The following TEX48 variants were observed in gnomAD, a reference collection of about 807,000 sequenced individuals.
The protein encoded by TEX48 is testis-expressed protein 48.
In TEX48, 10 loss-of-function variants were observed where a neutral mutation model predicts 13.2. That is an observed-to-expected ratio of 0.75 (90% CI 0.47 to 1.28). The LOEUF is 1.28. TEX48 is among the 50% of genes most tolerant of loss of function. The probability of loss-of-function intolerance (pLI) is 0.00; values close to 1 mark genes in which losing one functional copy is unlikely to be tolerated. For missense variants in TEX48, 116 were observed against 139.4 expected (o/e 0.83, Z 0.84); for synonymous variants, 45 against 52.3 (o/e 0.86, Z 0.60).
chr9:114,671,482 T>G lies in TEX48; in HGVS notation c.28A>C (p.Lys10Gln), dbSNP rs1428512949. MAAHQNLIL[K>Q]IFCLCCRDCQ... The stretch of plus-strand genomic sequence containing the variant: ...TCCCTGCAGCATAAACAGAAGATCT[T>G]CAAGATCAGGTTTTGGTGGGCTGCT... Residue 10 changes from lysine (K) to glutamine (Q), a missense_variant, in exon 3 of 5, where the codon AAG becomes CAG. By Grantham distance (53) the Lys-to-Gln change is moderately conservative. Transcript: ENST00000436752. The G allele has an allele frequency of 2.0e-6, 3 of 1,535,232 alleles. No individual in the cohort carries two copies. Among genetic ancestry groups the G allele is most frequent in the South Asian group, 1.2e-5 (1 of 84,008 alleles).
chr9:114,677,197 C>A (rs898983770), intron 1 of TEX48, among the ~76,000 whole-genome samples: 1 of 152,024 alleles, frequency 6.6e-6, no homozygotes, highest in African/African-American at 2.4e-5. Context: ...TAGCTCCAAT[C>A]TCCAATAGTC....
In TEX48 at chr9:114,677,925, A is replaced by G. The variant is rs189764090; in HGVS notation, c.-105+4110T>C. ...TCCTGCTTGTCGTGGTCTCATCTGC[A>G]TTAAGGTTGTTGCCTCTTCCTGGAA... On this transcript the variant is annotated intron_variant, in intron 1 of 4. Transcript: ENST00000436752. Among the ~76,000 whole-genome samples the G allele has an allele frequency of 2.6e-5, 4 of 152,180 alleles. No individual in the cohort carries two copies. The East Asian group carries it at 7.7e-4, about 29-fold the overall frequency.
At chr9:114,674,280 C>T (rs1230755607) in intron 1 of TEX48, among the ~76,000 whole-genome samples, 2 of 130,406 alleles carry the variant, frequency 1.5e-5, no homozygotes, top group Admixed American at 1.5e-4. Flanking sequence ...CTCCAATTCC[C>T]CAATTCCATT....
intron 3 of TEX48, 90 bp downstream of exon 3, chr9:114,671,293 T>G: frequency 7.0e-7 from 1 of 1,436,990 alleles, no homozygotes; most frequent in East Asian, 2.6e-5. Flanking sequence ...GTGATAGTGA[T>G]GAAGGCAGTT....
chr9:114,667,439 G>C (rs1420158197), intron 4 of TEX48, among the ~76,000 whole-genome samples: 5 of 152,156 alleles, frequency 3.3e-5, no homozygotes, highest in Non-Finnish European at 7.3e-5. Context: ...ACCCCCAGTT[G>C]AACTACACTC....
chr9:114,674,537 CTTCT>C (rs143223954), intron 1 of TEX48, among the ~76,000 whole-genome samples: 9,419 of 149,932 alleles, frequency 0.063, 434 homozygotes, highest in African/African-American at 0.11. Flanking sequence ...TTTCTTTTTT[CTTCT>C]TTCTTTCTCT....
At chr9:114,667,039 C>T (rs1274648711) in intron 4 of TEX48, among the ~76,000 whole-genome samples, 4 of 152,328 alleles carry the variant, frequency 2.6e-5, no homozygotes, top group African/African-American at 9.6e-5. Flanking sequence ...ACACTTACGT[C>T]ATTCCCTAGT....
chr9:114,670,082 T>C (rs1367074407), intron 3 of TEX48, among the ~76,000 whole-genome samples: 2 of 152,216 alleles, frequency 1.3e-5, no homozygotes, highest in Non-Finnish European at 2.9e-5. Context: ...ATCTGCAAAA[T>C]GCTATGCTCA....
intron 3 of TEX48, 23 bp downstream of exon 3, chr9:114,671,358 CAG>C (rs1289348222): frequency 5.9e-6 from 9 of 1,533,922 alleles, no homozygotes; most frequent in Non-Finnish European, 7.9e-6. Context: ...AGAGGCCATG[CAG>C]AGTGTCCTTA....
intron 1 of TEX48, among the ~76,000 whole-genome samples, chr9:114,680,863 A>T (rs1828185063): frequency 6.6e-6 from 1 of 152,222 alleles, no homozygotes; most frequent in Non-Finnish European, 1.5e-5. Context: ...TACATTTCAT[A>T]GCTAAAGGTC....
At chr9:114,670,567 A>G (rs998368079) in intron 3 of TEX48, among the ~76,000 whole-genome samples, 1 of 151,426 alleles carries the variant, frequency 6.6e-6, no homozygotes, top group African/African-American at 2.4e-5. Flanking sequence ...ATGGATCTTC[A>G]AGAAGGTTTT....
intron 1 of TEX48, among the ~76,000 whole-genome samples, chr9:114,675,854 G>A (rs1828052023): frequency 6.6e-6 from 1 of 152,160 alleles, no homozygotes; most frequent in Admixed American, 6.5e-5. Flanking sequence ...ACCTTTTACT[G>A]AATGGACCCT....
At chr9:114,680,375 C>G (rs754004268) in intron 1 of TEX48, among the ~76,000 whole-genome samples, 3 of 152,088 alleles carry the variant, frequency 2.0e-5, no homozygotes, top group Non-Finnish European at 4.4e-5. Flanking sequence ...GATCTGCCAG[C>G]CTTGGCCTCC....
intron 1 of TEX48, among the ~76,000 whole-genome samples, chr9:114,677,271 AC>A (rs1222728285): frequency 1.4e-5 from 2 of 142,932 alleles, no homozygotes; most frequent in Non-Finnish European, 3.0e-5. Context: ...TTTTCCCTAG[AC>A]CTAGTGTCAG....
intron 3 of TEX48, among the ~76,000 whole-genome samples, chr9:114,670,696 T>C (rs1827931644): frequency 6.6e-6 from 1 of 152,182 alleles, no homozygotes. Context: ...GGTGGCTGGT[T>C]TGTACTAGAC....
At chr9:114,680,120 C>CTTTT (rs2079145442) in intron 1 of TEX48, among the ~76,000 whole-genome samples, 4 of 52,132 alleles carry the variant, frequency 7.7e-5, no homozygotes, top group Non-Finnish European at 1.1e-4. Context: ...TGTCATTGTC[C>CTTTT]CTTTTTTTTT....
chr9:114,678,235 C>T (rs925056150), intron 1 of TEX48, among the ~76,000 whole-genome samples: 16 of 152,184 alleles, frequency 1.1e-4, no homozygotes, highest in African/African-American at 3.6e-4. Context: ...CTGTCTTTCT[C>T]TCTCCACCCA....
intron 3 of TEX48, among the ~76,000 whole-genome samples, chr9:114,668,911 C>T (rs1423228851): frequency 6.6e-6 from 1 of 151,530 alleles, no homozygotes; most frequent in African/African-American, 2.4e-5. Context: ...ATCATAGCTC[C>T]CTGTAACCTC....
intron 1 of TEX48, among the ~76,000 whole-genome samples, chr9:114,674,960 C>T (rs1298263559): frequency 6.6e-6 from 1 of 151,496 alleles, no homozygotes; most frequent in African/African-American, 2.4e-5. Context: ...TGTGAGTCAC[C>T]GTGCCCAGCT....
Sources: allele counts gnomAD v4.1 joint callset (sites outside exome capture counted in the v4.1 genomes callset), GRCh38; gene constraint gnomAD v4.1.1; transcripts MANE v1.5; gene names NCBI Gene and HGNC (gene_info 2026-07-23, HGNC 2026-07-21).